The following CTSO variants were observed in gnomAD, a reference collection of about 807,000 sequenced individuals.
CTSO encodes cathepsin O.
In CTSO, 40 loss-of-function variants were observed where a neutral mutation model predicts 42.4. The ratio of observed to expected loss-of-function variants is 0.94; its 90% confidence interval spans 0.73 to 1.23. The LOEUF is 1.23. Ranked by LOEUF, CTSO falls within the 50% of genes most tolerant of loss-of-function variation. CTSO has a pLI of 0.00. For missense variants in CTSO, 441 were observed against 396.0 expected (o/e 1.11, Z -0.96); for synonymous variants, 156 against 146.2 (o/e 1.07, Z -0.48).
intron 1 of CTSO, among the ~76,000 whole-genome samples, chr4:155,948,764 G>A (rs978990021): frequency 6.6e-6 from 1 of 152,180 alleles, no homozygotes; most frequent in Non-Finnish European, 1.5e-5. Flanking sequence ...TACCTTTCCA[G>A]CTGTGGGTAA....
intron 1 of CTSO, 133 bp from the exon 2 acceptor site, chr4:155,943,397 G>A: frequency 1.9e-6 from 1 of 537,306 alleles, no homozygotes; most frequent in Non-Finnish European, 3.4e-6. Flanking sequence ...ATGTAAAGTT[G>A]TATAAGATAT....
intron 5 of CTSO, among the ~76,000 whole-genome samples, chr4:155,930,247 C>T (rs1743211204): frequency 6.6e-6 from 1 of 152,108 alleles, no homozygotes; most frequent in Middle Eastern, 3.2e-3. Context: ...CCATCTCTGC[C>T]ACACCATGAG....
intron 5 of CTSO, 33 bp downstream of exon 5, chr4:155,937,329 A>G (rs1413483457): frequency 3.9e-6 from 6 of 1,537,608 alleles, no homozygotes; most frequent in African/African-American, 2.8e-5. Flanking sequence ...TTAAAAATGT[A>G]TAAAGAAAAA....
intron 7 of CTSO, among the ~76,000 whole-genome samples, chr4:155,926,889 A>G (rs1305184362): frequency 1.3e-5 from 2 of 152,172 alleles, no homozygotes; most frequent in Non-Finnish European, 2.9e-5. Flanking sequence ...CTCCTGTAAG[A>G]GATTTGAAAG....
intron 3 of CTSO, among the ~76,000 whole-genome samples, chr4:155,940,384 C>T (rs547059702): frequency 2.1e-5 from 3 of 139,736 alleles, no homozygotes; most frequent in Admixed American, 7.8e-5. Flanking sequence ...CCATGTGTGG[C>T]AGAGTTAGAC....
chr4:155,938,009 A>G (rs896257030), intron 4 of CTSO, among the ~76,000 whole-genome samples: 4 of 151,794 alleles, frequency 2.6e-5, no homozygotes, highest in Non-Finnish European at 2.9e-5. Context: ...CTTCTCCCTT[A>G]CTTCTCTTTA....
intron 5 of CTSO, among the ~76,000 whole-genome samples, chr4:155,931,004 T>C (rs1418243125): frequency 1.3e-5 from 2 of 152,164 alleles, no homozygotes; most frequent in African/African-American, 4.8e-5. Context: ...AACTATACAC[T>C]GCAGCCATTC....
In CTSO at chr4:155,926,025, T is replaced by G. The variant is rs773690257; in HGVS notation, c.*11A>C. ...TCATTTTTGTAGCTGTCTCTTGATC[T>G]GCCCAACATGTCACACAAATATAGA... On this transcript the variant is annotated 3_prime_UTR_variant, in exon 8 of 8. Transcript: ENST00000433477. 3 of 1,602,534 alleles carry G rather than the reference T, an allele frequency of 1.9e-6. No individual in the cohort carries two copies. Among genetic ancestry groups the G allele is most frequent in the South Asian group, 2.2e-5 (2 of 89,168 alleles).
At chr4:155,946,916 C>T (rs1333545099) in intron 1 of CTSO, among the ~76,000 whole-genome samples, 2 of 152,192 alleles carry the variant, frequency 1.3e-5, no homozygotes, top group African/African-American at 2.4e-5. Flanking sequence ...AGTGCAGTGG[C>T]GTGATCTCAG....
At chr4:155,926,906 C>A (rs750738610) in intron 7 of CTSO, among the ~76,000 whole-genome samples, 6 of 152,160 alleles carry the variant, frequency 3.9e-5, no homozygotes, top group Non-Finnish European at 7.3e-5. Context: ...AAAGCAGTCA[C>A]CCCTCAGCCC....
intron 4 of CTSO, 82 bp from the exon 5 acceptor site, chr4:155,937,565 G>A: frequency 7.4e-7 from 1 of 1,351,600 alleles, no homozygotes; most frequent in East Asian, 2.3e-5. Flanking sequence ...TGTCAAAACA[G>A]GTTCAATTTC....
chr4:155,937,609 C>CT (rs796384202), intron 4 of CTSO, 126 bp from the exon 5 acceptor site: 6,397 of 801,428 alleles, frequency 8.0e-3, no homozygotes, highest in Non-Finnish European at 8.8e-3. Context: ...ACTTTGCGTT[C>CT]TTTTTTTTTT....
chr4:155,926,583 C>T (rs530677724), intron 7 of CTSO, among the ~76,000 whole-genome samples: 8 of 152,214 alleles, frequency 5.3e-5, no homozygotes, highest in South Asian at 4.2e-4. Context: ...TATAACTAAC[C>T]GTATCTTCGA....
intron 5 of CTSO, among the ~76,000 whole-genome samples, chr4:155,929,971 G>A (rs536580555): frequency 1.3e-5 from 2 of 152,282 alleles, no homozygotes; most frequent in East Asian, 3.9e-4. Context: ...TGGTTGCTGG[G>A]ACTCCAGCCA....
Position 155,924,936 on chromosome 4 carries a change from G to A in CTSO, c.*1100C>T, listed in dbSNP as rs184366167. 6.6e-4 allele frequency: 100 copies of A among 152,522 alleles called. No individual in the cohort carries two copies. Among genetic ancestry groups the A allele is most frequent in the Non-Finnish European group, 8.1e-4 (55 of 68,148 alleles). The allele number at this position is 152,522 out of a possible 1,614,324, so 9.4% of individuals were successfully genotyped here. ...AAGAGGTGCACAAAGAAGCAGTTCG[G>A]ATGGGAGACCAGGAAAGCTGAGGGG... is the stretch of plus-strand genomic sequence containing the variant. On this transcript the variant is annotated 3_prime_UTR_variant, in exon 8 of 8. Coordinates refer to ENST00000433477, the MANE Select transcript of CTSO (RefSeq NM_001334.3).
intron 5 of CTSO, among the ~76,000 whole-genome samples, chr4:155,936,530 A>T (rs1743334639): frequency 6.6e-6 from 1 of 152,232 alleles, no homozygotes; most frequent in Admixed American, 6.5e-5. Flanking sequence ...TTCCCATCAT[A>T]TATTTTCTTA....
intron 5 of CTSO, among the ~76,000 whole-genome samples, chr4:155,935,417 G>A (rs1270247282): frequency 1.2e-4 from 18 of 151,952 alleles, no homozygotes; most frequent in Admixed American, 1.2e-3. Context: ...GTTCTAACAT[G>A]CCAGACATGT....
At chr4:155,941,001 T>G (rs995699625) in intron 3 of CTSO, among the ~76,000 whole-genome samples, 5 of 152,130 alleles carry the variant, frequency 3.3e-5, no homozygotes, top group Admixed American at 1.3e-4. Context: ...TTCAATACAC[T>G]GTGGACAATT....
intron 3 of CTSO, among the ~76,000 whole-genome samples, chr4:155,940,285 C>T (rs1024865750): frequency 2.0e-5 from 3 of 150,160 alleles, no homozygotes; most frequent in Admixed American, 1.3e-4. Context: ...AATTAGGGAT[C>T]GTAGGATCAC....
Sources: allele counts gnomAD v4.1 joint callset (sites outside exome capture counted in the v4.1 genomes callset), GRCh38; gene constraint gnomAD v4.1.1; transcripts MANE v1.5; gene names NCBI Gene and HGNC (gene_info 2026-07-23, HGNC 2026-07-21).